Variants in RERE observed in about 807,000 individuals in gnomAD.
The protein encoded by RERE is arginine-glutamic acid dipeptide repeats.
Under a neutral mutation model 146.1 loss-of-function variants are expected in RERE, and 40 were observed. The observed-to-expected ratio is 0.27, with a 90% CI of 0.21 to 0.36. The LOEUF is 0.36. Ranked by LOEUF, RERE falls within the 10% of genes least tolerant of loss-of-function variation. RERE has a pLI of 1.00. For synonymous variants in RERE, 1,003 were observed against 866.0 expected, an observed-to-expected ratio of 1.16 and a Z score of -2.78; for missense variants, 1,933 against 2,138.7, an observed-to-expected ratio of 0.90 and a Z score of 1.90.
intron 11 of RERE, among the ~76,000 whole-genome samples, chr1:8,447,987 C>T (rs1414108784): frequency 6.6e-6 from 1 of 152,206 alleles, no homozygotes; most frequent in Non-Finnish European, 1.5e-5. Flanking sequence ...CCCTTACTAT[C>T]TCATGCCTAT....
intron 19 of RERE, 107 bp from the exon 20 acceptor site, chr1:8,359,023 G>T: frequency 7.3e-7 from 1 of 1,362,406 alleles, no homozygotes; most frequent in Non-Finnish European, 9.6e-7. Context: ...GCTCTGACAG[G>T]CCAACCTGGT....
At position 8,356,382 on chromosome 1, in the gene RERE, T is replaced by C. The variant is rs1641293838; in HGVS notation, c.4340-136A>G. Reference sequence around the variant, plus strand: ...ACCAGGGCTGGATGCACCACCTGGCTACAGGTGGCCCTGCCCCAAAGTGGC... The same window carrying C: ...ACCAGGGCTGGATGCACCACCTGGCCACAGGTGGCCCTGCCCCAAAGTGGC... On this transcript the variant is annotated intron_variant, in intron 20 of 22. Coordinates refer to ENST00000400908, the MANE Select transcript of RERE (RefSeq NM_001042681.2). This position sits in a 1 kb window ranked among gnomAD's most constrained non-coding sequence, Gnocchi z 5.2. 1 of 1,026,188 alleles carries C rather than the reference T, an allele frequency of 9.7e-7. No individual in the cohort carries two copies. The highest frequency in any genetic ancestry group is 1.7e-5 in the African/African-American group (1 of 58,776). The allele number at this position is 1,026,188 out of a possible 1,614,324, so 63.6% of individuals were successfully genotyped here.
intron 12 of RERE, among the ~76,000 whole-genome samples, chr1:8,384,840 C>T (rs1158587654): frequency 6.6e-6 from 1 of 152,184 alleles, no homozygotes; most frequent in Non-Finnish European, 1.5e-5. Flanking sequence ...GGCATGTGAC[C>T]AGCGTTCCTG....
At chr1:8,365,136 G>A (rs371919236) in intron 13 of RERE, among the ~76,000 whole-genome samples, 5 of 152,220 alleles carry the variant, frequency 3.3e-5, no homozygotes, top group Middle Eastern at 3.2e-3. Flanking sequence ...GGACAAGCGC[G>A]TCCATGCTGC....
intron 4 of RERE, among the ~76,000 whole-genome samples, chr1:8,564,830 G>A (rs796386098): frequency 2.1e-5 from 2 of 96,702 alleles, no homozygotes; most frequent in South Asian, 2.9e-4. Flanking sequence ...GTGTATATGT[G>A]TATGTGTGTG....
chr1:8,547,039 T>A (rs1284594149), intron 6 of RERE, among the ~76,000 whole-genome samples: 2 of 149,998 alleles, frequency 1.3e-5, no homozygotes, highest in Non-Finnish European at 3.0e-5. Flanking sequence ...ACAGATTAAT[T>A]AATAAATCCA....
At chr1:8,626,852 C>T (rs1000154466) in intron 2 of RERE, among the ~76,000 whole-genome samples, 9 of 152,184 alleles carry the variant, frequency 5.9e-5, no homozygotes, top group African/African-American at 2.2e-4. Context: ...CCACTTTTCG[C>T]ATTTCTTTCC....
At chr1:8,460,110 G>T (rs1239571263) in intron 11 of RERE, among the ~76,000 whole-genome samples, 4 of 152,152 alleles carry the variant, frequency 2.6e-5, no homozygotes, top group Non-Finnish European at 5.9e-5. Context: ...TCTTAACGGG[G>T]ATTTTGCTGT....
intron 1 of RERE, among the ~76,000 whole-genome samples, chr1:8,764,054 G>A (rs949126888): frequency 2.6e-5 from 4 of 152,114 alleles, no homozygotes; most frequent in Non-Finnish European, 5.9e-5. Context: ...GCCACCAGCT[G>A]CAGTGTACCA....
rs183823390 is a variant in RERE at position 8,569,459 on chromosome 1, C to A, written c.523-11936G>T. Among the ~76,000 whole-genome samples, 37 of 152,198 alleles carry A rather than the reference C, an allele frequency of 2.4e-4. 1 individual carries two copies. Among genetic ancestry groups the A allele is most frequent in the African/African-American group, 8.7e-4 (36 of 41,524 alleles). On this transcript the variant is annotated intron_variant, in intron 4 of 22. Coordinates refer to ENST00000400908, the MANE Select transcript of RERE (RefSeq NM_001042681.2). ...TGGGGTCAGACTTTGCGGTAATGAG[C>A]AGGATGTCAAAGAAAGGGTGGGGAA...
chr1:8,593,269 G>A (rs1229554824), intron 4 of RERE, among the ~76,000 whole-genome samples: 5 of 152,218 alleles, frequency 3.3e-5, no homozygotes, highest in Non-Finnish European at 7.3e-5. Flanking sequence ...CCTCTGATAA[G>A]GGTCAGCTGT....
chr1:8,600,725 A>G (rs955719021), intron 4 of RERE, among the ~76,000 whole-genome samples: 12 of 151,730 alleles, frequency 7.9e-5, no homozygotes, highest in Non-Finnish European at 1.6e-4. Context: ...AACACAGAAA[A>G]AATTACACTG....
chr1:8,630,868 T>C (rs1321652759), intron 2 of RERE, among the ~76,000 whole-genome samples: 2 of 152,368 alleles, frequency 1.3e-5, no homozygotes, highest in East Asian at 1.9e-4. Flanking sequence ...AGCTGCATCA[T>C]CTTAAGGATT....
chr1:8,475,238 G>C (rs1384772719), intron 10 of RERE, among the ~76,000 whole-genome samples: 2 of 151,154 alleles, frequency 1.3e-5, no homozygotes, highest in African/African-American at 4.9e-5. Flanking sequence ...GCCGGGTGTG[G>C]TGGCGCGCAC....
chr1:8,562,245 CT>C (rs1646087230), intron 4 of RERE, among the ~76,000 whole-genome samples: 1 of 152,116 alleles, frequency 6.6e-6, no homozygotes, highest in Non-Finnish European at 1.5e-5. Context: ...AGGAAAATGT[CT>C]TCATTTTTCC....
At chr1:8,361,730 C>A (rs1299745066) in intron 17 of RERE, 33 bp downstream of exon 17, 1 of 1,561,216 alleles carries the variant, frequency 6.4e-7, no homozygotes, top group African/African-American at 1.4e-5. Flanking sequence ...GAAGCATTAG[C>A]TTTACTCAGC....
intron 1 of RERE, among the ~76,000 whole-genome samples, chr1:8,689,674 A>T (rs534137247): frequency 6.6e-6 from 1 of 152,274 alleles, no homozygotes; most frequent in East Asian, 1.9e-4. Context: ...TTGAAAATCA[A>T]ATCACCACAG....
At chr1:8,383,992 A>T (rs563412013) in intron 12 of RERE, among the ~76,000 whole-genome samples, 147 of 152,354 alleles carry the variant, frequency 9.6e-4, no homozygotes, top group Non-Finnish European at 1.6e-3. Flanking sequence ...AAACTCCAGA[A>T]TGAAAATTAG....
intron 11 of RERE, among the ~76,000 whole-genome samples, chr1:8,445,663 C>T (rs943982463): frequency 6.6e-6 from 1 of 152,050 alleles, no homozygotes; most frequent in Non-Finnish European, 1.5e-5. Flanking sequence ...CATCAGCAAC[C>T]ACCTGCGGCA....
Sources: gnomAD v4.1 joint callset for allele counts (sites outside exome capture counted in the v4.1 genomes callset) on GRCh38, gnomAD v4.1.1 for gene constraint, Gnocchi (gnomAD v3.1) non-coding constraint, MANE v1.5 for transcripts, NCBI Gene and HGNC (gene_info 2026-07-23, HGNC 2026-07-21) for gene names.